Variants in LRIG2 observed in about 807,000 individuals in gnomAD.
LRIG2 encodes the protein leucine rich repeats and immunoglobulin like domains 2.
A neutral mutation model predicts 107.8 loss-of-function variants in LRIG2; 93 were observed. The observed-to-expected ratio is 0.86, with a 90% confidence interval of 0.73 to 1.03. The LOEUF is 1.03. LRIG2 is among the 50% of genes least tolerant of loss of function. The pLI is 0.00. For missense variants in LRIG2, 1,226 were observed against 1,296.0 expected (o/e 0.95, Z 0.83); for synonymous variants, 471 against 470.6 (o/e 1.00, Z -0.01).
intron 14 of LRIG2, among the ~76,000 whole-genome samples, 153 bp downstream of exon 14, chr1:113,112,913 A>G (rs1369771051): frequency 4.6e-5 from 7 of 152,192 alleles, no homozygotes; most frequent in Admixed American, 4.6e-4. Context: ...ATGTCAGTCT[A>G]GGAATTAGTG....
intron 8 of LRIG2, 80 bp from the exon 9 acceptor site, chr1:113,098,625 A>G: frequency 1.2e-6 from 1 of 846,056 alleles, no homozygotes; most frequent in Non-Finnish European, 2.0e-6. Context: ...GTACCTTGAC[A>G]TCACCATACC....
At position 113,093,195 on chromosome 1, in the gene LRIG2, C is replaced by T; in HGVS notation, c.306-11C>T. 1 of 1,563,200 alleles carries T rather than the reference C, an allele frequency of 6.4e-7. No individual in the cohort carries two copies. The highest frequency in any genetic ancestry group is 8.7e-7 in the Non-Finnish European group (1 of 1,142,980). On this transcript the variant is annotated splice_polypyrimidine_tract_variant and intron_variant, in intron 2 of 17. Coordinates refer to ENST00000361127, the MANE Select transcript of LRIG2 (RefSeq NM_014813.3). ...CACTAAACATTTAAATCTGTTTTTC[C>T]TCTTGCCTAGGAAAATGAATTACAA...
In LRIG2 at chr1:113,111,073, C is replaced by T. The variant is rs564334735; in HGVS notation, c.1798+511C>T. Among the ~76,000 whole-genome samples, 127 of 152,126 alleles carry T rather than the reference C, an allele frequency of 8.3e-4. 1 individual carries two copies. The highest frequency in any genetic ancestry group is 2.9e-3 in the African/African-American group (120 of 41,510). ...GTTTTGAGATGGAGTCTCGCTCTGT[C>T]GCCCAGGATGGAATGCAGTGGCATG... On this transcript the variant is annotated intron_variant, in intron 13 of 17. Transcript: ENST00000361127.
chr1:113,126,436 C>G lies in LRIG2; in HGVS notation c.*2335C>G, dbSNP rs1037438792. The G allele has an allele frequency of 6.5e-6, 1 of 153,050 alleles. No homozygotes were observed. The highest frequency in any genetic ancestry group is 2.4e-5 in the African/African-American group (1 of 41,548). 9.5% of individuals were successfully genotyped at this position (153,050 alleles called of 1,614,324 possible). On this transcript the variant is annotated 3_prime_UTR_variant, in exon 18 of 18. Coordinates refer to ENST00000361127, the MANE Select transcript of LRIG2 (RefSeq NM_014813.3). ...GCACTTTGTACCTGACCTAGGTGGC[C>G]TTGCAAATGTTGACTCAGATTGTGG...
rs922837499 is a variant in LRIG2 at position 113,120,496 on chromosome 1, A to G, written c.2971+973A>G. On this transcript the variant is annotated intron_variant, in intron 17 of 17. Coordinates refer to ENST00000361127, the MANE Select transcript of LRIG2 (RefSeq NM_014813.3). The stretch of plus-strand genomic sequence containing the variant: ...TGGGCATAATTTGGTGATGGTTTTT[A>G]CTGAGAAGATTTTTTTTTTTTTTTT... Among the ~76,000 whole-genome samples, 6 of 150,490 alleles carry G rather than the reference A, an allele frequency of 4.0e-5. No individual in the cohort carries two copies. The Admixed American group carries it at 4.0e-4, about 10-fold the overall frequency.
Position 113,091,880 on chromosome 1 carries a change from G to A in LRIG2, c.305+497G>A, listed in dbSNP as rs569212251. The stretch of plus-strand genomic sequence containing the variant: ...CTGAGATGTATTATGTAATTTTGGA[G>A]GGAGTTTTCTAAGATATTATTAATA... On this transcript the variant is annotated intron_variant, in intron 2 of 17. Coordinates refer to ENST00000361127, the MANE Select transcript of LRIG2 (RefSeq NM_014813.3). Among the ~76,000 whole-genome samples, 360 of 152,274 alleles carry A rather than the reference G, an allele frequency of 2.4e-3. 3 individuals are homozygous for A. Among genetic ancestry groups the A allele is most frequent in the Non-Finnish European group, 4.6e-3 (316 of 68,020 alleles).
intron 16 of LRIG2, among the ~76,000 whole-genome samples, chr1:113,117,365 C>T (rs564375957): frequency 6.6e-6 from 1 of 152,354 alleles, no homozygotes; most frequent in Admixed American, 6.5e-5. Context: ...ACTTCAAATA[C>T]TATACAAATG....
Position 113,114,638 on chromosome 1 carries a change from T to C in LRIG2, c.2292T>C (p.Tyr764=), listed in dbSNP as rs764586578. The C allele has an allele frequency of 1.1e-5, 17 of 1,614,056 alleles. No homozygotes were observed. In the South Asian group the frequency reaches 1.2e-4, roughly 11 times the overall value. Residue 764 remains tyrosine, a synonymous_variant, in exon 15 of 18, where the codon TAT becomes TAC. Transcript: ENST00000361127. ...CCGGGCTAGAAGATGCTGGGAAATA[T>C]ACCTGCATTATGTCTAACACCCTTG... The part of the protein sequence containing the change: ...VDAGLEDAGK[Y]TCIMSNTLGT...
At chr1:113,087,049 A>G (rs1653586301) in intron 1 of LRIG2, among the ~76,000 whole-genome samples, 1 of 152,200 alleles carries the variant, frequency 6.6e-6, no homozygotes, top group Non-Finnish European at 1.5e-5. Flanking sequence ...AGACTGAGGT[A>G]GGAGCATTGC....
intron 1 of LRIG2, among the ~76,000 whole-genome samples, chr1:113,078,449 G>T (rs1653094880): frequency 6.6e-6 from 1 of 151,820 alleles, no homozygotes; most frequent in Non-Finnish European, 1.5e-5. Flanking sequence ...ATGTTGGCCA[G>T]GCTGGTCTTG....
In LRIG2 at chr1:113,096,004, A is replaced by C; in HGVS notation, c.934A>C (p.Arg312=). 6.2e-7 allele frequency: 1 copy of C among 1,614,216 alleles called. No individual in the cohort carries two copies. Among genetic ancestry groups the C allele is most frequent in the Non-Finnish European group, 8.5e-7 (1 of 1,180,038 alleles). Residue 312 remains arginine, a synonymous_variant, in exon 7 of 18, where the codon AGA becomes CGA. Transcript: ENST00000361127. The part of the protein sequence containing the change: ...ISPDAWEFCQ[R]LSELDLSYNQ... ...CCCTGATGCATGGGAGTTCTGCCAA[A>C]GACTATCCGAACTGTAAGTGTTGGA...
At chr1:113,123,675 G>T (rs879697640) in intron 17 of LRIG2, among the ~76,000 whole-genome samples, 200 bp from the exon 18 acceptor site, 17 of 150,666 alleles carry the variant, frequency 1.1e-4, no homozygotes, top group Admixed American at 9.3e-4. Flanking sequence ...TAAATAATTG[G>T]TTAGGTTTGT....
At chr1:113,081,390 G>A (rs1653275655) in intron 1 of LRIG2, among the ~76,000 whole-genome samples, 1 of 151,736 alleles carries the variant, frequency 6.6e-6, no homozygotes, top group Admixed American at 6.6e-5. Context: ...CTGTATACTG[G>A]TCACCCATTT....
chr1:113,094,643 G>A lies in LRIG2; in HGVS notation c.691G>A (p.Glu231Lys). The A allele has an allele frequency of 6.2e-7, 1 of 1,613,252 alleles. No individual in the cohort carries two copies. The highest frequency in any genetic ancestry group is 1.1e-5 in the South Asian group (1 of 90,950). ...ELKRNRIKIV[E>K]GLTFQGLDSL... is the part of the protein sequence containing the mutation. ...TAAAAGAAACAGAATTAAAATTGTG[G>A]AAGGTCTTACATTCCAAGGGCTTGA... Residue 231 changes from glutamate (E) to lysine (K), a missense_variant, in exon 6 of 18, where the codon GAA becomes AAA. Glu to Lys is a moderately conservative substitution (Grantham distance 56). Coordinates refer to ENST00000361127, the MANE Select transcript of LRIG2 (RefSeq NM_014813.3).
chr1:113,075,622 A>T (rs1379550699), intron 1 of LRIG2, among the ~76,000 whole-genome samples: 1 of 152,086 alleles, frequency 6.6e-6, no homozygotes, highest in Non-Finnish European at 1.5e-5. Flanking sequence ...ACCTGATTAT[A>T]ACAATAAGTC....
Position 113,114,601 on chromosome 1 carries a change from T to A in LRIG2, c.2255T>A (p.Ile752Asn). 6.2e-7 allele frequency: 1 copy of A among 1,614,122 alleles called. No individual in the cohort carries two copies. The highest frequency in any genetic ancestry group is 1.1e-5 in the South Asian group (1 of 91,072). ...HFFAAANQLL[I>N]IVDAGLEDAG... ...TTTGCTGCAGCCAATCAGCTTCTCATCATTGTAGATGCCGGGCTAGAAGAT... is the reference window on the plus strand; with the variant it reads ...TTTGCTGCAGCCAATCAGCTTCTCAACATTGTAGATGCCGGGCTAGAAGAT... Residue 752 changes from isoleucine (I) to asparagine (N), a missense_variant, in exon 15 of 18, where the codon ATC becomes AAC. Transcript: ENST00000361127.
intron 17 of LRIG2, 82 bp downstream of exon 17, chr1:113,119,605 A>C: frequency 3.7e-6 from 5 of 1,340,934 alleles, no homozygotes; most frequent in Non-Finnish European, 5.1e-6. Flanking sequence ...TAGTGCTCTC[A>C]TTTGACAGGA....
intron 11 of LRIG2, among the ~76,000 whole-genome samples, chr1:113,101,137 C>A (rs186484076): frequency 6.6e-6 from 1 of 152,196 alleles, no homozygotes; most frequent in African/African-American, 2.4e-5. Flanking sequence ...GTGGTGCGAT[C>A]TCGGCCCACT....
In LRIG2 at chr1:113,125,980, T is replaced by C. The variant is rs774267841; in HGVS notation, c.*1879T>C. The C allele has an allele frequency of 3.3e-5, 5 of 152,188 alleles. No homozygotes were observed. The highest frequency in any genetic ancestry group is 5.9e-5 in the Non-Finnish European group (4 of 68,034). 9.4% of individuals were successfully genotyped at this position (152,188 alleles called of 1,614,324 possible). A position where few individuals can be genotyped will look rare whatever the true frequency, so the allele number is the denominator to read the frequency against. ...TGTTGGAGATGTTAACTGGGTTCTA[T>C]TAGGTGTGCTATATCTTGGCAAATA... On this transcript the variant is annotated 3_prime_UTR_variant, in exon 18 of 18. Transcript: ENST00000361127.
Sources: gnomAD v4.1 joint callset for allele counts (sites outside exome capture counted in the v4.1 genomes callset) on GRCh38, gnomAD v4.1.1 for gene constraint, MANE v1.5 for transcripts, NCBI Gene and HGNC (gene_info 2026-07-23, HGNC 2026-07-21) for gene names.